The following XIST variants were observed in gnomAD, a reference collection of about 807,000 sequenced individuals.
XIST encodes the protein X inactive specific transcript (non-protein coding).
chrX:73,838,672 A>T (rs7891967), intron 1 of XIST, among the ~76,000 whole-genome samples: 10,245 of 110,680 alleles, frequency 0.093, 594 homozygotes, highest in African/African-American at 0.21. Context: ...CAAAAACATG[A>T]CCAACTCGAC....
exon 1 of XIST, chrX:73,852,087 C>T: frequency 1.9e-6 from 1 of 534,687 alleles, no homozygotes; most frequent in Non-Finnish European, 3.4e-6. Flanking sequence ...ATCCGAGGCC[C>T]CGATGGGCAA....
At chrX:73,852,062 A>C in exon 1 of XIST, 3 of 541,471 alleles carry the variant, frequency 5.5e-6, no homozygotes, top group Admixed American at 4.7e-5. Flanking sequence ...CAGAAAAACA[A>C]AAATTAAAGC....
chrX:73,848,990 G>A, exon 1 of XIST: 2 of 558,760 alleles, frequency 3.6e-6, no homozygotes, highest in Non-Finnish European at 6.5e-6. Flanking sequence ...GGGGCTCTAA[G>A]AATGAGTCAG....
exon 6 of XIST, chrX:73,821,403 T>C (rs1202235775): frequency 1.8e-6 from 1 of 556,940 alleles, no homozygotes; most frequent in South Asian, 2.3e-5. Flanking sequence ...TAAGATAATC[T>C]TATGACAAGA....
At chrX:73,829,103 C>A in exon 5 of XIST, 1 of 558,681 alleles carries the variant, frequency 1.8e-6, no homozygotes, top group Non-Finnish European at 3.2e-6. Context: ...GAGTGCCAGG[C>A]ATGTTGATCT....
At chrX:73,832,027 A>G (rs959827588) in intron 3 of XIST, among the ~76,000 whole-genome samples, 1 of 112,412 alleles carries the variant, frequency 8.9e-6, no homozygotes, top group Admixed American at 9.4e-5. Flanking sequence ...TCACAAGCAC[A>G]TAGAACTCCA....
At chrX:73,842,763 G>C (rs368349647) in exon 1 of XIST, 46 of 556,320 alleles carry the variant, frequency 8.3e-5, no homozygotes, top group Non-Finnish European at 1.4e-4. Context: ...CAAGAGAAAG[G>C]GCCTTGTCTG....
At chrX:73,838,309 C>T (rs1287965702) in intron 1 of XIST, among the ~76,000 whole-genome samples, 2 of 110,917 alleles carry the variant, frequency 1.8e-5, no homozygotes, top group Non-Finnish European at 3.8e-5. Flanking sequence ...AATTCTTATA[C>T]GCACTTGATT....
chrX:73,823,959 T>C, exon 6 of XIST: 1 of 554,707 alleles, frequency 1.8e-6, no homozygotes, highest in Non-Finnish European at 3.3e-6. Flanking sequence ...AGTTCATTCC[T>C]ATCTGTATAG....
At chrX:73,826,077 C>A in exon 6 of XIST, 1 of 558,976 alleles carries the variant, frequency 1.8e-6, no homozygotes, top group Non-Finnish European at 3.2e-6. Context: ...CTTTCCATAA[C>A]CATCACTAGA....
intron 1 of XIST, among the ~76,000 whole-genome samples, chrX:73,840,443 A>G (rs780145473): frequency 3.0e-4 from 33 of 111,651 alleles, no homozygotes; most frequent in Non-Finnish European, 2.1e-4. Context: ...CCAGAAAAAA[A>G]GTTTCGAATG....
At chrX:73,843,917 A>G (rs768373209) in exon 1 of XIST, 2 of 558,000 alleles carry the variant, frequency 3.6e-6, no homozygotes, top group Non-Finnish European at 6.5e-6. Flanking sequence ...TGACAAAGAC[A>G]AAAGAAAATT....
exon 1 of XIST, chrX:73,846,581 T>C: frequency 3.6e-6 from 2 of 558,374 alleles, no homozygotes; most frequent in South Asian, 2.2e-5. Context: ...ATGTCCAAGA[T>C]GCATGCTTGT....
At chrX:73,844,487 A>T (rs774367187) in exon 1 of XIST, 1 of 556,767 alleles carries the variant, frequency 1.8e-6, no homozygotes, top group Non-Finnish European at 3.2e-6. Flanking sequence ...TGAGAGTAGG[A>T]CTTTATTCAA....
exon 1 of XIST, chrX:73,844,278 T>C (rs772035112): frequency 3.6e-6 from 2 of 559,255 alleles, no homozygotes; most frequent in South Asian, 4.4e-5. Flanking sequence ...CATACATTAA[T>C]GTCCAAGGGA....
At chrX:73,852,329 G>A in exon 1 of XIST, 1 of 542,665 alleles carries the variant, frequency 1.8e-6, no homozygotes, top group East Asian at 3.3e-5. Context: ...GGTATCCACG[G>A]CCCCGTTGGG....
At chrX:73,833,140 G>A (rs1242192513) in intron 3 of XIST, 9 of 467,834 alleles carry the variant, frequency 1.9e-5, no homozygotes, top group Admixed American at 1.2e-4. Flanking sequence ...TTACAAGCAG[G>A]AGCCACCATG....
At chrX:73,842,397 T>C (rs750761352) in exon 1 of XIST, 4 of 546,882 alleles carry the variant, frequency 7.3e-6, no homozygotes, top group Non-Finnish European at 1.3e-5. Flanking sequence ...TGGGTCTGAC[T>C]TGCCTTCAGT....
exon 6 of XIST, chrX:73,827,524 GGCAGAAAGGAAAT>G: frequency 1.9e-6 from 1 of 539,520 alleles, no homozygotes; most frequent in South Asian, 2.4e-5. Context: ...GCCCAAGAGA[GGCAGAAAGGAAAT>G]GCAGAAATGA....
Sources: gnomAD v4.1 joint callset for allele counts (sites outside exome capture counted in the v4.1 genomes callset) on GRCh38, gnomAD v4.1.1 for gene constraint, MANE v1.5 for transcripts, NCBI Gene and HGNC (gene_info 2026-07-23, HGNC 2026-07-21) for gene names.